The following PCDH15 variants were observed in gnomAD, a reference collection of about 807,000 sequenced individuals.
PCDH15 encodes protocadherin related 15.
PCDH15 carries 129 observed loss-of-function variants against 178.5 expected under a neutral mutation model. That is an observed-to-expected ratio of 0.72 (90% confidence interval 0.63 to 0.84). The LOEUF (loss-of-function observed/expected upper bound fraction) is 0.84, where lower values mean the gene tolerates loss of function less well. Among genes scored for constraint, PCDH15 ranks in the 40% least tolerant of loss-of-function variants. The probability of loss-of-function intolerance (pLI) is 0.00; values close to 1 mark genes in which losing one functional copy is unlikely to be tolerated. For missense variants in PCDH15, 2,230 were observed against 2,099.9 expected, an observed-to-expected ratio of 1.06 and a Z score of -1.21; for synonymous variants, 800 against 732.0, an observed-to-expected ratio of 1.09 and a Z score of -1.50.
chr10:55,543,259 T>C (rs1336124526), intron 2 of PCDH15, among the ~76,000 whole-genome samples: 1 of 150,590 alleles, frequency 6.6e-6, no homozygotes, highest in African/African-American at 2.4e-5. Context: ...ATATATAATA[T>C]GTATATATAT....
chr10:55,112,020 G>T (rs1019516383), intron 2 of PCDH15, among the ~76,000 whole-genome samples: 1 of 151,988 alleles, frequency 6.6e-6, no homozygotes, highest in African/African-American at 2.4e-5. Context: ...TTATTTTTTA[G>T]TAATAAACTT....
intron 2 of PCDH15, chr10:55,365,956 C>T (rs566183522): frequency 1.3e-5 from 2 of 152,176 alleles, no homozygotes; most frequent in East Asian, 3.9e-4. Context: ...AAGGCTTCAT[C>T]TGGAGTTACT....
intron 1 of PCDH15, among the ~76,000 whole-genome samples, chr10:54,782,196 T>C (rs114939400): frequency 0.057 from 8,739 of 152,108 alleles, 289 homozygotes; most frequent in Middle Eastern, 0.095. Flanking sequence ...AAGGTAAATT[T>C]TGAGGATGCG....
rs139323423 is a variant in PCDH15 at position 55,111,931 on chromosome 10, C to T, written c.-80+54645G>A. 3.6e-3 allele frequency among the ~76,000 whole-genome samples: 554 copies of T among 152,200 alleles called. 3 individuals carry two copies. The highest frequency in any genetic ancestry group is 0.012 in the African/African-American group (486 of 41,510). ...TTATCTGTGTTTCACATTATGATTA[C>T]GTGCTGCATTCAATAAGGTATGCAA... On this transcript the variant is annotated intron_variant, in intron 2 of 5. Transcript: ENST00000458638.
chr10:55,000,982 A>G (rs550662095), intron 2 of PCDH15, among the ~76,000 whole-genome samples: 2 of 152,252 alleles, frequency 1.3e-5, no homozygotes, highest in Admixed American at 1.3e-4. Context: ...TTCTTAGCAC[A>G]TTAAAAACCC....
At chr10:54,283,116 C>T (rs958747470) in intron 8 of PCDH15, among the ~76,000 whole-genome samples, 1 of 152,034 alleles carries the variant, frequency 6.6e-6, no homozygotes, top group African/African-American at 2.4e-5. Context: ...CAGTTGATAG[C>T]GTAGAGAAAC....
chr10:55,450,679 G>C (rs1274176885), intron 2 of PCDH15, among the ~76,000 whole-genome samples: 1 of 151,950 alleles, frequency 6.6e-6, no homozygotes, highest in Non-Finnish European at 1.5e-5. Context: ...CACACTTTCT[G>C]CTACCAGGTT....
At chr10:53,966,400 C>T (rs1159877467) in intron 21 of PCDH15, among the ~76,000 whole-genome samples, 1 of 151,994 alleles carries the variant, frequency 6.6e-6, no homozygotes, top group East Asian at 1.9e-4. Flanking sequence ...TAAAATCTTC[C>T]TTCCCTTCTT....
chr10:53,901,173 T>C (rs2082310982), intron 26 of PCDH15, among the ~76,000 whole-genome samples: 1 of 149,864 alleles, frequency 6.7e-6, no homozygotes, highest in African/African-American at 2.4e-5. Context: ...ATTTTTTTTG[T>C]CAAACCCATT....
chr10:54,184,988 ATCT>A (rs2048359151), intron 12 of PCDH15, 143 bp downstream of exon 12: 2 of 922,978 alleles, frequency 2.2e-6, no homozygotes, highest in Non-Finnish European at 3.3e-6. Flanking sequence ...TTTTTCATTG[ATCT>A]TCTCTCTGGT....
chr10:54,197,269 C>T (rs1374400365), intron 10 of PCDH15, among the ~76,000 whole-genome samples: 1 of 151,840 alleles, frequency 6.6e-6, no homozygotes, highest in Non-Finnish European at 1.5e-5. Flanking sequence ...AAAATCTCTA[C>T]ATGGTCATGC....
At chr10:55,228,681 C>G (rs1353260674) in intron 1 of PCDH15, among the ~76,000 whole-genome samples, 1 of 151,888 alleles carries the variant, frequency 6.6e-6, no homozygotes, top group East Asian at 1.9e-4. Flanking sequence ...ATTACCCTAG[C>G]AAATATACAT....
chr10:55,626,115 C>T (rs1256694615), intron 2 of PCDH15, among the ~76,000 whole-genome samples: 1 of 150,822 alleles, frequency 6.6e-6, no homozygotes, highest in African/African-American at 2.4e-5. Flanking sequence ...AGACTGGAAG[C>T]TACAAGTGTA....
At chr10:54,675,804 T>C (rs758973806) in intron 1 of PCDH15, among the ~76,000 whole-genome samples, 1 of 152,168 alleles carries the variant, frequency 6.6e-6, no homozygotes. Flanking sequence ...CAAGCTCCTA[T>C]CCCAGCTTTT....
intron 2 of PCDH15, among the ~76,000 whole-genome samples, chr10:55,601,494 A>G (rs988114189): frequency 6.6e-6 from 1 of 152,204 alleles, no homozygotes; most frequent in East Asian, 1.9e-4. Flanking sequence ...TAGATCATGC[A>G]GAATTATATA....
At chr10:55,102,713 C>A (rs1842600745) in intron 2 of PCDH15, among the ~76,000 whole-genome samples, 1 of 152,008 alleles carries the variant, frequency 6.6e-6, no homozygotes, top group African/African-American at 2.4e-5. Context: ...AGTTGAAAAT[C>A]TATGTATAAC....
At chr10:55,413,583 A>G (rs1336605325) in intron 2 of PCDH15, among the ~76,000 whole-genome samples, 14 of 151,676 alleles carry the variant, frequency 9.2e-5, no homozygotes, top group Admixed American at 9.2e-4. Flanking sequence ...ATTTTTTTCA[A>G]CTTTAAACAA....
chr10:55,596,845 A>T lies in PCDH15; in HGVS notation c.-156+30780T>A, dbSNP rs879696584. On this transcript the variant is annotated intron_variant, in intron 2 of 5. Transcript: ENST00000613346. ...GATAAAAATAAATCTTTTAACTATG[A>T]TAATACAGGTTTTTGAGGATTTAGT... is the stretch of plus-strand genomic sequence containing the variant. Among the ~76,000 whole-genome samples, 966 of 152,256 alleles carry T rather than the reference A, an allele frequency of 6.3e-3. 5 individuals carry two copies. Among genetic ancestry groups the T allele is most frequent in the African/African-American group, 0.021 (885 of 41,554 alleles).
intron 2 of PCDH15, among the ~76,000 whole-genome samples, chr10:55,100,764 T>A (rs1318507346): frequency 6.6e-6 from 1 of 152,126 alleles, no homozygotes; most frequent in African/African-American, 2.4e-5. Flanking sequence ...CCCAAACACC[T>A]GTTGTTAAGC....
Sources: allele counts gnomAD v4.1 joint callset (sites outside exome capture counted in the v4.1 genomes callset), GRCh38; gene constraint gnomAD v4.1.1; transcripts MANE v1.5; gene names NCBI Gene and HGNC (gene_info 2026-07-23, HGNC 2026-07-21).